Variants in LDLRAD3 observed in about 807,000 individuals in gnomAD.
The protein encoded by LDLRAD3 is low density lipoprotein receptor class A domain containing 3.
Under a neutral mutation model 29.4 loss-of-function variants are expected in LDLRAD3, and 20 were observed. That is an observed-to-expected ratio of 0.68 (90% CI 0.48 to 0.99). LDLRAD3 has a LOEUF of 0.99. Among genes scored for constraint, LDLRAD3 ranks in the 50% least tolerant of loss-of-function variants. The pLI is 0.00. For synonymous variants in LDLRAD3, 157 were observed against 192.7 expected, an observed-to-expected ratio of 0.81 and a Z score of 1.53; for missense variants, 420 against 454.3, an observed-to-expected ratio of 0.92 and a Z score of 0.69.
intron 2 of LDLRAD3, among the ~76,000 whole-genome samples, chr11:36,079,665 C>T (rs747932694): frequency 5.3e-5 from 8 of 152,064 alleles, no homozygotes; most frequent in Non-Finnish European, 1.0e-4. Flanking sequence ...AGCACAGCAG[C>T]GAAGGGGCTA....
intron 1 of LDLRAD3, among the ~76,000 whole-genome samples, chr11:35,992,488 T>A (rs1230380259): frequency 6.6e-6 from 1 of 152,212 alleles, no homozygotes; most frequent in African/African-American, 2.4e-5. Context: ...GTAGTGTATC[T>A]ATACAATGGG....
At chr11:36,135,824 C>T (rs1235279091) in intron 4 of LDLRAD3, among the ~76,000 whole-genome samples, 2 of 152,092 alleles carry the variant, frequency 1.3e-5, no homozygotes, top group African/African-American at 4.8e-5. Context: ...GCAGGAGAAT[C>T]GTTTGAACCC....
chr11:35,985,399 C>T (rs889894020), intron 1 of LDLRAD3, among the ~76,000 whole-genome samples: 1 of 152,036 alleles, frequency 6.6e-6, no homozygotes, highest in African/African-American at 2.4e-5. Flanking sequence ...TTTGCAGATT[C>T]CGTAAGGTGG....
intron 4 of LDLRAD3, among the ~76,000 whole-genome samples, chr11:36,180,997 G>C (rs1854753965): frequency 1.3e-5 from 2 of 152,044 alleles, no homozygotes; most frequent in African/African-American, 4.8e-5. Context: ...GAACACATCA[G>C]GAACTCAGCT....
Position 36,079,564 on chromosome 11 carries a change from G to A in LDLRAD3, c.194-2089G>A, listed in dbSNP as rs371753196. 1.2e-4 allele frequency among the ~76,000 whole-genome samples: 18 copies of A among 152,298 alleles called. No individual in the cohort carries two copies. In the South Asian group the frequency reaches 3.5e-3, roughly 30 times the overall value. ...TACAACTGGTTGGGGCTGATGTTGT[G>A]GGTGGTGAAAGAATACCGAGACAGT... On this transcript the variant is annotated intron_variant, in intron 2 of 5. Coordinates refer to ENST00000315571, the MANE Select transcript of LDLRAD3 (RefSeq NM_174902.4).
intron 3 of LDLRAD3, among the ~76,000 whole-genome samples, chr11:36,095,790 G>A (rs10836489): frequency 0.19 from 28,676 of 152,108 alleles, 3,171 homozygotes; most frequent in East Asian, 0.32. Context: ...GCCCCGTCTT[G>A]GAGCACTTAG....
intron 4 of LDLRAD3, among the ~76,000 whole-genome samples, chr11:36,210,136 T>G (rs1855264083): frequency 6.6e-6 from 1 of 152,220 alleles, no homozygotes; most frequent in South Asian, 2.1e-4. Flanking sequence ...CCCCAATAAC[T>G]CATGCCCCAT....
chr11:35,988,103 G>A (rs1851637346), intron 1 of LDLRAD3, among the ~76,000 whole-genome samples: 2 of 152,148 alleles, frequency 1.3e-5, no homozygotes, highest in African/African-American at 4.8e-5. Flanking sequence ...TGTCACCCAG[G>A]CTGGAGTGCA....
intron 1 of LDLRAD3, among the ~76,000 whole-genome samples, chr11:36,035,873 A>G (rs893390757): frequency 5.3e-5 from 8 of 152,328 alleles, no homozygotes; most frequent in African/African-American, 1.9e-4. Flanking sequence ...TTTGTGCCTG[A>G]CATTCAAGTA....
At chr11:36,049,100 A>G (rs1320005734) in intron 2 of LDLRAD3, among the ~76,000 whole-genome samples, 1 of 152,166 alleles carries the variant, frequency 6.6e-6, no homozygotes. Context: ...GGCCCCTGTC[A>G]TTCCAGCATG....
chr11:36,206,756 C>T (rs1842734875), intron 4 of LDLRAD3, among the ~76,000 whole-genome samples: 1 of 147,750 alleles, frequency 6.8e-6, no homozygotes, highest in African/African-American at 2.5e-5. Flanking sequence ...AGATGGAGTC[C>T]TGCTCTGTCA....
intron 4 of LDLRAD3, among the ~76,000 whole-genome samples, chr11:36,122,549 A>G (rs1461988800): frequency 6.6e-6 from 1 of 152,224 alleles, no homozygotes; most frequent in Admixed American, 6.5e-5. Flanking sequence ...TGGTTACTGC[A>G]TGACGATGAT....
chr11:35,982,479 C>T (rs1458944718), intron 1 of LDLRAD3, among the ~76,000 whole-genome samples: 1 of 152,178 alleles, frequency 6.6e-6, no homozygotes, highest in Admixed American at 6.5e-5. Flanking sequence ...AATATGGCCA[C>T]ATTCTGAGTT....
chr11:36,114,634 A>G (rs1055462422), intron 4 of LDLRAD3, among the ~76,000 whole-genome samples: 3 of 152,176 alleles, frequency 2.0e-5, no homozygotes, highest in Non-Finnish European at 4.4e-5. Context: ...TGTCCTCATT[A>G]GCTAATTTGT....
intron 4 of LDLRAD3, among the ~76,000 whole-genome samples, chr11:36,222,061 A>G (rs1855436166): frequency 2.0e-5 from 3 of 152,038 alleles, no homozygotes; most frequent in Admixed American, 6.6e-5. Context: ...GCTTTCATGA[A>G]TGCTCATTTT....
intron 1 of LDLRAD3, among the ~76,000 whole-genome samples, chr11:35,953,949 G>A: frequency 6.6e-6 from 1 of 152,160 alleles, no homozygotes; most frequent in East Asian, 1.9e-4. Context: ...GGAATGAGTT[G>A]ATGCTTACTA....
intron 2 of LDLRAD3, among the ~76,000 whole-genome samples, chr11:36,078,424 C>T (rs529337829): frequency 2.0e-4 from 30 of 152,330 alleles, no homozygotes; most frequent in African/African-American, 5.5e-4. Flanking sequence ...AGTCCGGAGG[C>T]GGCTGAAGTG....
At chr11:36,164,864 T>C (rs1291809549) in intron 4 of LDLRAD3, among the ~76,000 whole-genome samples, 1 of 152,272 alleles carries the variant, frequency 6.6e-6, no homozygotes, top group African/African-American at 2.4e-5. Context: ...GAATTAGCCA[T>C]GACCCAGTTG....
intron 1 of LDLRAD3, among the ~76,000 whole-genome samples, chr11:36,023,401 G>A (rs80347420): frequency 0.014 from 2,169 of 152,292 alleles, 52 homozygotes; most frequent in African/African-American, 0.05. Context: ...GAAGGTCAGA[G>A]TTGTAAAGTG....
Sources: allele counts gnomAD v4.1 joint callset (sites outside exome capture counted in the v4.1 genomes callset), GRCh38; gene constraint gnomAD v4.1.1; transcripts MANE v1.5; gene names NCBI Gene and HGNC (gene_info 2026-07-23, HGNC 2026-07-21).